The following ST8SIA4 variants were observed in gnomAD, a reference collection of about 807,000 sequenced individuals.
The protein encoded by ST8SIA4 is CMP-N-acetylneuraminate-poly-alpha-2,8-sialyltransferase.
ST8SIA4 carries 15 observed loss-of-function variants against 33.9 expected under a neutral mutation model. The ratio of observed to expected loss-of-function variants is 0.44; its 90% CI spans 0.30 to 0.68. ST8SIA4 has a LOEUF of 0.68. ST8SIA4 is among the 30% of genes least tolerant of loss of function. The probability of loss-of-function intolerance (pLI) is 0.10; values close to 1 mark genes in which losing one functional copy is unlikely to be tolerated. For synonymous variants in ST8SIA4, 171 were observed against 151.2 expected, an observed-to-expected ratio of 1.13 and a Z score of -0.96; for missense variants, 321 against 428.0, an observed-to-expected ratio of 0.75 and a Z score of 2.21.
intron 3 of ST8SIA4, among the ~76,000 whole-genome samples, chr5:100,874,908 T>A (rs1752272775): frequency 6.6e-6 from 1 of 152,216 alleles, no homozygotes; most frequent in Admixed American, 6.5e-5. Context: ...CTGTTTATCA[T>A]CTATCTATCT....
At chr5:100,849,538 T>C (rs929717175) in intron 4 of ST8SIA4, 58 of 835,432 alleles carry the variant, frequency 6.9e-5, no homozygotes, top group African/African-American at 3.7e-5. Context: ...TCCCCGCACT[T>C]TGGGAGGCTA....
At chr5:100,898,960 A>G (rs1752837609) in intron 1 of ST8SIA4, among the ~76,000 whole-genome samples, 1 of 152,210 alleles carries the variant, frequency 6.6e-6, no homozygotes, top group African/African-American at 2.4e-5. Flanking sequence ...AAATTCACTA[A>G]GATGGTCATC....
At chr5:100,861,201 C>T (rs1332326356) in intron 3 of ST8SIA4, among the ~76,000 whole-genome samples, 2 of 152,106 alleles carry the variant, frequency 1.3e-5, no homozygotes, top group Admixed American at 1.3e-4. Context: ...CACACACACA[C>T]ACCACATTTT....
chr5:100,894,897 T>G (rs1410355145), intron 2 of ST8SIA4, among the ~76,000 whole-genome samples: 1 of 152,102 alleles, frequency 6.6e-6, no homozygotes, highest in East Asian at 1.9e-4. Context: ...TCTTTCACAC[T>G]TTTAGTGAGT....
intron 4 of ST8SIA4, among the ~76,000 whole-genome samples, chr5:100,849,899 T>A (rs1473199732): frequency 6.6e-6 from 1 of 152,186 alleles, no homozygotes. Flanking sequence ...CAAAAATTCT[T>A]AATTCCAGGC....
chr5:100,896,636 T>A (rs1401091737), intron 1 of ST8SIA4, among the ~76,000 whole-genome samples: 7 of 152,148 alleles, frequency 4.6e-5, no homozygotes, highest in Non-Finnish European at 1.0e-4. Flanking sequence ...ATTAGCCTGA[T>A]CTTATCATTA....
intron 3 of ST8SIA4, among the ~76,000 whole-genome samples, chr5:100,860,921 C>T: frequency 6.6e-6 from 1 of 152,116 alleles, no homozygotes; most frequent in East Asian, 1.9e-4. Context: ...AAATTTTGAG[C>T]AGTTATTAAA....
rs1750792376 is a variant in ST8SIA4, at chr5:100,810,469, G to C, written c.*1378C>G. ...TTTGAATAACAAGGGGAATATCAAA[G>C]AACTGGAAGTCACATTTCAGCTATA... On this transcript the variant is annotated 3_prime_UTR_variant, in exon 5 of 5. Coordinates refer to ENST00000231461, the MANE Select transcript of ST8SIA4 (RefSeq NM_005668.6). 1 of 152,022 alleles carries C rather than the reference G, an allele frequency of 6.6e-6. No individual in the cohort carries two copies. The highest frequency in any genetic ancestry group is 2.4e-5 in the African/African-American group (1 of 41,398). The allele number at this position is 152,022 out of a possible 1,614,324, so 9.4% of individuals were successfully genotyped here.
intron 3 of ST8SIA4, 151 bp from the exon 4 acceptor site, chr5:100,856,547 T>A (rs1751817536): frequency 1.3e-6 from 1 of 757,092 alleles, no homozygotes; most frequent in Admixed American, 2.9e-5. Context: ...GATTACATTT[T>A]CAATAAGTCT....
chr5:100,833,221 CAG>C (rs1263177982), intron 4 of ST8SIA4, among the ~76,000 whole-genome samples: 4 of 152,124 alleles, frequency 2.6e-5, no homozygotes, highest in Admixed American at 2.0e-4. Context: ...GTACCTAGCA[CAG>C]AGTCTTGCAT....
At chr5:100,886,946 T>C (rs1452982917) in intron 2 of ST8SIA4, among the ~76,000 whole-genome samples, 1 of 152,096 alleles carries the variant, frequency 6.6e-6, no homozygotes, top group Non-Finnish European at 1.5e-5. Context: ...TGACTTTGAA[T>C]AGTTATTCTG....
chr5:100,823,869 G>A (rs1040607380), intron 4 of ST8SIA4, among the ~76,000 whole-genome samples: 1 of 152,132 alleles, frequency 6.6e-6, no homozygotes, highest in African/African-American at 2.4e-5. Flanking sequence ...TCGAACTGGT[G>A]TAATAGAAAT....
intron 3 of ST8SIA4, among the ~76,000 whole-genome samples, chr5:100,861,411 T>G (rs1238477897): frequency 6.6e-6 from 1 of 152,074 alleles, no homozygotes; most frequent in Non-Finnish European, 1.5e-5. Flanking sequence ...ATCAAACTCC[T>G]TCTAGCAAAC....
chr5:100,886,696 T>G, intron 2 of ST8SIA4, 96 bp from the exon 3 acceptor site: 1 of 1,003,448 alleles, frequency 1.0e-6, no homozygotes, highest in Non-Finnish European at 1.5e-6. Context: ...AAATACAAAT[T>G]GGCAAACTAT....
chr5:100,867,119 T>C (rs533285429), intron 3 of ST8SIA4, among the ~76,000 whole-genome samples: 1 of 152,224 alleles, frequency 6.6e-6, no homozygotes, highest in South Asian at 2.1e-4. Context: ...ATACTAGGTA[T>C]ACCCTCAAAA....
At position 100,808,321 on chromosome 5, in the gene ST8SIA4, A is replaced by G. The variant is rs1323084728; in HGVS notation, c.*3526T>C. 1.3e-5 allele frequency: 2 copies of G among 152,666 alleles called. No individual in the cohort carries two copies. Among genetic ancestry groups the G allele is most frequent in the Non-Finnish European group, 2.9e-5 (2 of 68,016 alleles). The allele number at this position is 152,666 out of a possible 1,614,324, so 9.5% of individuals were successfully genotyped here. A position where few individuals can be genotyped will look rare whatever the true frequency, so the allele number is the denominator to read the frequency against. On this transcript the variant is annotated 3_prime_UTR_variant, in exon 5 of 5. Coordinates refer to ENST00000231461, the MANE Select transcript of ST8SIA4 (RefSeq NM_005668.6). ...TTCATATGATATACAATACATGAAC[A>G]CATTTGAATGCCCAGCACCTTCTTT...
chr5:100,834,031 T>C (rs1261966499), intron 4 of ST8SIA4, among the ~76,000 whole-genome samples: 1 of 152,222 alleles, frequency 6.6e-6, no homozygotes, highest in African/African-American at 2.4e-5. Flanking sequence ...AATTAAAGGA[T>C]ATTGAAGAGA....
chr5:100,817,600 AT>A (rs1214403506), intron 4 of ST8SIA4, among the ~76,000 whole-genome samples: 1 of 152,208 alleles, frequency 6.6e-6, no homozygotes, highest in Non-Finnish European at 1.5e-5. Flanking sequence ...TCTGCAGTAT[AT>A]TACATAAAGC....
chr5:100,837,436 C>A (rs959037773), intron 4 of ST8SIA4, among the ~76,000 whole-genome samples: 1 of 151,898 alleles, frequency 6.6e-6, no homozygotes, highest in African/African-American at 2.4e-5. Flanking sequence ...ATAGACATTT[C>A]TGATTGAGGT....
Sources: gnomAD v4.1 joint callset for allele counts (sites outside exome capture counted in the v4.1 genomes callset) on GRCh38, gnomAD v4.1.1 for gene constraint, MANE v1.5 for transcripts, NCBI Gene and HGNC (gene_info 2026-07-23, HGNC 2026-07-21) for gene names.